Variants in MAD1L1 observed in about 807,000 individuals in gnomAD.
MAD1L1 encodes the protein mitotic spindle assembly checkpoint protein MAD1.
Under a neutral mutation model 96.9 loss-of-function variants are expected in MAD1L1, and 95 were observed. That is an observed-to-expected ratio of 0.98 (90% CI 0.83 to 1.16). The LOEUF is 1.16. Ranked by LOEUF, MAD1L1 falls within the 50% of genes most tolerant of loss-of-function variation. The pLI is 0.00. For synonymous variants in MAD1L1, 473 were observed against 396.6 expected (o/e 1.19, Z -2.29); for missense variants, 1,007 against 954.4 (o/e 1.06, Z -0.73).
chr7:2,132,775 T>C (rs1211256695), intron 11 of MAD1L1, among the ~76,000 whole-genome samples: 1 of 152,228 alleles, frequency 6.6e-6, no homozygotes, highest in African/African-American at 2.4e-5. Flanking sequence ...CATACCATCT[T>C]TTATCCATTC....
intron 18 of MAD1L1, among the ~76,000 whole-genome samples, chr7:1,844,922 T>C (rs1783506986): frequency 1.3e-5 from 2 of 152,222 alleles, no homozygotes; most frequent in African/African-American, 2.4e-5. Flanking sequence ...AGTATGCTGC[T>C]GGTCAGTGAG....
At position 2,153,893 on chromosome 7, in the gene MAD1L1, C is replaced by T. The variant is rs546137615; in HGVS notation, c.987-4655G>A. Among the ~76,000 whole-genome samples the T allele has an allele frequency of 7.6e-4, 116 of 152,358 alleles. 1 individual carries two copies. The highest frequency in any genetic ancestry group is 2.6e-3 in the African/African-American group (107 of 41,598). ...AAGAGCTGGGCCGAGCGCGGTGGCT[C>T]ACGCCTGTAATCCCACCGCTTTGGG... On this transcript the variant is annotated intron_variant, in intron 10 of 18. Coordinates refer to ENST00000265854, the MANE Select transcript of MAD1L1 (RefSeq NM_001013836.2).
chr7:1,972,476 C>A (rs1009070135), intron 15 of MAD1L1, among the ~76,000 whole-genome samples: 11 of 152,156 alleles, frequency 7.2e-5, no homozygotes, highest in Non-Finnish European at 1.6e-4. Flanking sequence ...TTGTTTGTGG[C>A]ATAACACCCT....
intron 18 of MAD1L1, among the ~76,000 whole-genome samples, chr7:1,890,029 C>A (rs1786438010): frequency 6.6e-6 from 1 of 152,244 alleles, no homozygotes; most frequent in Admixed American, 6.5e-5. Context: ...TCAAGACACA[C>A]AGGACCTGGG....
At chr7:1,874,686 C>T (rs1785286022) in intron 18 of MAD1L1, 1 of 372,724 alleles carries the variant, frequency 2.7e-6, no homozygotes, top group Non-Finnish European at 5.3e-6. Flanking sequence ...CCACCTGCTA[C>T]CTGCTCGATT....
intron 15 of MAD1L1, among the ~76,000 whole-genome samples, chr7:1,970,011 A>G (rs935824771): frequency 2.0e-5 from 3 of 152,222 alleles, no homozygotes; most frequent in Non-Finnish European, 4.4e-5. Flanking sequence ...TGAGAAAGCT[A>G]CCTAAGTGAA....
chr7:2,120,134 A>G (rs1432859179), intron 11 of MAD1L1, among the ~76,000 whole-genome samples: 1 of 152,142 alleles, frequency 6.6e-6, no homozygotes, highest in Non-Finnish European at 1.5e-5. Context: ...GTCTATGGTA[A>G]GGCCACCTCC....
At chr7:2,217,926 G>T (rs748830428) in intron 7 of MAD1L1, 36 bp downstream of exon 7, 1 of 1,564,620 alleles carries the variant, frequency 6.4e-7, no homozygotes, top group South Asian at 1.1e-5. Flanking sequence ...GGCCACCACA[G>T]GGATGTCCAC....
chr7:1,834,545 G>T (rs921349450), intron 18 of MAD1L1, among the ~76,000 whole-genome samples: 1 of 152,110 alleles, frequency 6.6e-6, no homozygotes, highest in Admixed American at 6.5e-5. Context: ...ACAAACTTCT[G>T]AAGATACAAA....
At chr7:1,914,026 C>CG (rs201784329) in intron 17 of MAD1L1, among the ~76,000 whole-genome samples, 11 of 152,124 alleles carry the variant, frequency 7.2e-5, no homozygotes, top group African/African-American at 1.9e-4. Context: ...GGTCTCCCCC[C>CG]CCAGCACGCC....
intron 12 of MAD1L1, among the ~76,000 whole-genome samples, chr7:2,044,637 C>T (rs1783840344): frequency 6.6e-6 from 1 of 152,166 alleles, no homozygotes. Flanking sequence ...GGCGATCGAC[C>T]ACACAAGCCT....
At chr7:1,828,044 G>C (rs7779512) in intron 18 of MAD1L1, among the ~76,000 whole-genome samples, 88,128 of 151,290 alleles carry the variant, frequency 0.58, 26,078 homozygotes, top group Middle Eastern at 0.7. Flanking sequence ...CCCCTCTTAT[G>C]TGCTGTGGGC....
chr7:1,878,809 G>T (rs1285810610), intron 18 of MAD1L1, among the ~76,000 whole-genome samples: 2 of 149,802 alleles, frequency 1.3e-5, no homozygotes, highest in Admixed American at 6.7e-5. Context: ...GAAATATAAG[G>T]CATAAAAGTT....
chr7:2,229,434 C>T (rs1794082113), intron 3 of MAD1L1, among the ~76,000 whole-genome samples: 1 of 152,210 alleles, frequency 6.6e-6, no homozygotes, highest in African/African-American at 2.4e-5. Flanking sequence ...AGTGAGAAAC[C>T]CCAAGAACTT....
chr7:1,866,933 C>T (rs970355097), intron 18 of MAD1L1, among the ~76,000 whole-genome samples: 8 of 152,162 alleles, frequency 5.3e-5, no homozygotes, highest in African/African-American at 1.7e-4. Context: ...ATGCCCACAG[C>T]GGTCCTCCTG....
intron 10 of MAD1L1, among the ~76,000 whole-genome samples, chr7:2,174,969 C>T (rs1233573079): frequency 2.6e-5 from 4 of 152,190 alleles, no homozygotes; most frequent in Admixed American, 6.5e-5. Flanking sequence ...TGTGAGGTGG[C>T]GACTTCAGTA....
At chr7:2,131,996 G>A (rs962653045) in intron 11 of MAD1L1, among the ~76,000 whole-genome samples, 4 of 152,140 alleles carry the variant, frequency 2.6e-5, no homozygotes, top group Non-Finnish European at 4.4e-5. Flanking sequence ...GACCCGCCGC[G>A]GCGCTGCCTC....
chr7:2,069,746 C>T (rs1037073285), intron 11 of MAD1L1, among the ~76,000 whole-genome samples: 2 of 152,228 alleles, frequency 1.3e-5, no homozygotes, highest in African/African-American at 4.8e-5. Flanking sequence ...GTTCTAAAAA[C>T]ATTCTGTGAG....
chr7:1,971,281 G>C (rs1780394209), intron 15 of MAD1L1, among the ~76,000 whole-genome samples: 1 of 152,186 alleles, frequency 6.6e-6, no homozygotes, highest in African/African-American at 2.4e-5. Flanking sequence ...AAACACAAGC[G>C]ATGGGATTTC....
Sources: gnomAD v4.1 joint callset for allele counts (sites outside exome capture counted in the v4.1 genomes callset) on GRCh38, gnomAD v4.1.1 for gene constraint, MANE v1.5 for transcripts, NCBI Gene and HGNC (gene_info 2026-07-23, HGNC 2026-07-21) for gene names.